The following RIC3 variants were observed in gnomAD, a reference collection of about 807,000 sequenced individuals.
RIC3 encodes the protein protein RIC-3.
RIC3 carries 28 observed loss-of-function variants against 27.3 expected under a neutral mutation model. The observed-to-expected ratio is 1.02, with a 90% CI of 0.76 to 1.41. The LOEUF (loss-of-function observed/expected upper bound fraction) is 1.41. Among genes scored for constraint, RIC3 ranks in the 40% most tolerant of loss-of-function variants. The pLI is 0.00. For synonymous variants in RIC3, 184 were observed against 160.4 expected (o/e 1.15, Z -1.11); for missense variants, 501 against 444.7 (o/e 1.13, Z -1.14).
chr11:8,101,444 T>C (rs1226346911), downstream of RIC3: 3 of 1,608,482 alleles, frequency 1.9e-6, no homozygotes, highest in East Asian at 2.2e-5. Flanking sequence ...CTACCATTCC[T>C]GTCCTGTCCT....
At chr11:8,096,835 G>A in the RIC3 span, 1 of 1,613,074 alleles carries the variant, frequency 6.2e-7, no homozygotes, top group African/African-American at 1.3e-5. Flanking sequence ...ATCCACAGCA[G>A]TTTTTGGAGG....
the RIC3 span, among the ~76,000 whole-genome samples, chr11:8,094,593 C>T: frequency 3.3e-5 from 5 of 152,198 alleles, no homozygotes; most frequent in African/African-American, 4.8e-5. Context: ...CAGCCCTCGC[C>T]GTCAGCTCTT....
chr11:8,120,094 A>T (rs1277498470), intron 5 of RIC3, among the ~76,000 whole-genome samples: 1 of 152,228 alleles, frequency 6.6e-6, no homozygotes, highest in Non-Finnish European at 1.5e-5. Flanking sequence ...TGTTGGTGGG[A>T]GTGCAAATTA....
chr11:8,101,418 CT>C, downstream of RIC3: 3 of 1,594,820 alleles, frequency 1.9e-6, no homozygotes, highest in Non-Finnish European at 2.6e-6. Context: ...GGGTGTCTGT[CT>C]ATCCTTCCCT....
the RIC3 span, chr11:8,096,693 A>C: frequency 2.5e-6 from 4 of 1,606,930 alleles, no homozygotes; most frequent in Non-Finnish European, 3.4e-6. Context: ...AGGCATCTCC[A>C]GCAGCATGAG....
At chr11:8,159,928 A>T (rs1266734733) in intron 1 of RIC3, among the ~76,000 whole-genome samples, 2 of 152,212 alleles carry the variant, frequency 1.3e-5, no homozygotes, top group East Asian at 1.9e-4. Context: ...TGGGAGGCAG[A>T]GGTTGCAGTG....
intron 5 of RIC3, among the ~76,000 whole-genome samples, chr11:8,121,881 A>G (rs1400712221): frequency 2.0e-5 from 3 of 152,118 alleles, no homozygotes; most frequent in African/African-American, 7.2e-5. Context: ...GTTGCTTTTA[A>G]AAAAATTAAC....
rs1944731406 is a variant in RIC3 at position 8,106,953 on chromosome 11, T to C, written c.*3745A>G. 6.6e-6 allele frequency: 1 copy of C among 152,186 alleles called. No individual in the cohort carries two copies. The highest frequency in any genetic ancestry group is 6.5e-5 in the Admixed American group (1 of 15,282). The allele number at this position is 152,186 out of a possible 1,614,324, so 9.4% of individuals were successfully genotyped here. A position where few individuals can be genotyped will look rare whatever the true frequency, so the allele number is the denominator to read the frequency against. On this transcript the variant is annotated 3_prime_UTR_variant, in exon 6 of 6. Transcript: ENST00000309737. ...TGTCACCAAGCACCTACCACATGCT[T>C]TGCCCTGGCACAGACACTTTATAAA...
chr11:8,103,494 G>C (rs1470365792), downstream of RIC3: 2 of 152,558 alleles, frequency 1.3e-5, no homozygotes, highest in African/African-American at 4.8e-5. Flanking sequence ...TTGTAATCTA[G>C]ATTTTCCTAT....
the RIC3 span, chr11:8,095,668 G>T: frequency 5.0e-6 from 8 of 1,592,370 alleles, no homozygotes; most frequent in Non-Finnish European, 6.8e-6. Flanking sequence ...GAGGAAGGGT[G>T]AGCCCCATGG....
At chr11:8,113,368 T>A (rs1231924562) in intron 5 of RIC3, among the ~76,000 whole-genome samples, 3 of 152,054 alleles carry the variant, frequency 2.0e-5, no homozygotes, top group Non-Finnish European at 4.4e-5. Context: ...CAGCTCTGCA[T>A]CCCTAGTCAT....
At chr11:8,122,992 C>G (rs560381435) in intron 5 of RIC3, among the ~76,000 whole-genome samples, 1 of 150,470 alleles carries the variant, frequency 6.6e-6, no homozygotes, top group East Asian at 2.0e-4. Context: ...AAAGCTATTA[C>G]AGATATGAAT....
the RIC3 span, chr11:8,097,684 C>A: frequency 1.9e-6 from 3 of 1,571,592 alleles, no homozygotes; most frequent in Non-Finnish European, 8.7e-7. Flanking sequence ...GAGGCTGAGT[C>A]TGGAATATGA....
At chr11:8,131,530 T>A (rs984525593) in intron 4 of RIC3, among the ~76,000 whole-genome samples, 2 of 152,174 alleles carry the variant, frequency 1.3e-5, no homozygotes, top group Non-Finnish European at 2.9e-5. Flanking sequence ...GGGCTCTATA[T>A]ATAGAGGTCA....
chr11:8,101,785 C>T (rs1043838596), downstream of RIC3: 13 of 1,280,192 alleles, frequency 1.0e-5, no homozygotes, highest in Non-Finnish European at 1.4e-5. Context: ...TCCTTTGCCT[C>T]TGCTACTGAG....
chr11:8,151,404 G>A (rs918395805), intron 1 of RIC3, among the ~76,000 whole-genome samples: 7 of 150,906 alleles, frequency 4.6e-5, no homozygotes, highest in African/African-American at 9.8e-5. Flanking sequence ...TGGCTAACAC[G>A]GTGAAACCCC....
At chr11:8,097,144 T>C in the RIC3 span, 2 of 1,484,172 alleles carry the variant, frequency 1.3e-6, no homozygotes, top group Non-Finnish European at 1.9e-6. Context: ...ACCGCCACGT[T>C]AGGAGGCAGA....
chr11:8,136,145 T>C (rs1478125005), intron 4 of RIC3, among the ~76,000 whole-genome samples: 3 of 152,136 alleles, frequency 2.0e-5, no homozygotes, highest in Admixed American at 6.5e-5. Context: ...TCAACAGCAC[T>C]GCAGACGTTG....
At chr11:8,130,329 T>C (rs1027446818) in intron 4 of RIC3, among the ~76,000 whole-genome samples, 15 of 152,190 alleles carry the variant, frequency 9.9e-5, no homozygotes, top group African/African-American at 3.6e-4. Context: ...CTGAATACTT[T>C]TGACATTAAA....
Sources: gnomAD v4.1 joint callset for allele counts (sites outside exome capture counted in the v4.1 genomes callset) on GRCh38, gnomAD v4.1.1 for gene constraint, MANE v1.5 for transcripts, NCBI Gene and HGNC (gene_info 2026-07-23, HGNC 2026-07-21) for gene names.